The following CFAP221 variants were observed in gnomAD, a reference collection of about 807,000 sequenced individuals.
CFAP221 encodes cilia- and flagella-associated protein 221.
CFAP221 carries 97 observed loss-of-function variants against 113.1 expected under a neutral mutation model. The ratio of observed to expected loss-of-function variants is 0.86; its 90% confidence interval spans 0.73 to 1.02. The LOEUF (loss-of-function observed/expected upper bound fraction) is 1.02, where lower values mean the gene tolerates loss of function less well. CFAP221 is among the 50% of genes least tolerant of loss of function. CFAP221 has a pLI of 0.00. For missense variants in CFAP221, 1,025 were observed against 1,013.4 expected, an observed-to-expected ratio of 1.01 and a Z score of -0.16; for synonymous variants, 331 against 354.4, an observed-to-expected ratio of 0.93 and a Z score of 0.74.
At position 119,617,384 on chromosome 2, in the gene CFAP221, G is replaced by A. The variant is rs77744979; in HGVS notation, c.1410+1675G>A. 3.9e-5 allele frequency among the ~76,000 whole-genome samples: 6 copies of A among 152,330 alleles called. No individual in the cohort carries two copies. The East Asian group carries it at 7.7e-4, about 20-fold the overall frequency. The stretch of plus-strand genomic sequence containing the variant: ...CACCATGACATGCTCAGGGCAGGGA[G>A]CACAGTGGTAAGAAGAGGCAGCACA... On this transcript the variant is annotated intron_variant, in intron 14 of 23. Coordinates refer to ENST00000413369, the MANE Select transcript of CFAP221 (RefSeq NM_001271049.2).
intron 3 of CFAP221, among the ~76,000 whole-genome samples, chr2:119,551,551 A>C (rs193155256): frequency 2.0e-5 from 3 of 152,302 alleles, no homozygotes; most frequent in African/African-American, 7.2e-5. Context: ...CCTCTTGCTG[A>C]AAATCAATTT....
rs1435963174 is a variant in CFAP221, at chr2:119,630,890, CT to C, written c.1964del (p.Leu655ArgfsTer13). On this transcript the variant is annotated frameshift_variant, in exon 19 of 24. Coordinates refer to ENST00000413369, the MANE Select transcript of CFAP221 (RefSeq NM_001271049.2). LOFTEE classifies it high-confidence loss of function. ...AGCCATGTCTCTAGATTATGATCCTCTGTATGTTTTTGTAAGTGACAACTGG... is the reference window on the plus strand; with the variant it reads ...AGCCATGTCTCTAGATTATGATCCTCGTATGTTTTTGTAAGTGACAACTGG... ...ALAMSLDYDP[L>X]YVFNPNPGLF... The C allele has an allele frequency of 2.5e-6, 4 of 1,613,056 alleles. No individual in the cohort carries two copies. Among genetic ancestry groups the C allele is most frequent in the Non-Finnish European group, 3.4e-6 (4 of 1,179,166 alleles).
At position 119,656,521 on chromosome 2, in the gene CFAP221, G is replaced by T. The variant is rs375354552; in HGVS notation, c.*51G>T. The T allele has an allele frequency of 1.5e-6, 2 of 1,319,062 alleles. No individual in the cohort carries two copies. Among genetic ancestry groups the T allele is most frequent in the South Asian group, 1.2e-5 (1 of 82,290 alleles). 81.7% of individuals were successfully genotyped at this position (1,319,062 alleles called of 1,614,324 possible). On this transcript the variant is annotated 3_prime_UTR_variant, in exon 24 of 24. Transcript: ENST00000413369. ...CATTTGCTTTCCGTGGGCCACTGTG[G>T]CCCCTTGCGTCCATTTACATGCCAG...
chr2:119,630,128 T>C (rs1461489956), intron 17 of CFAP221, among the ~76,000 whole-genome samples, 173 bp downstream of exon 17: 1 of 152,250 alleles, frequency 6.6e-6, no homozygotes, highest in Non-Finnish European at 1.5e-5. Context: ...TTTCTCATAG[T>C]GTGGCTTAGG....
Position 119,559,917 on chromosome 2 carries a change from C to T in CFAP221, c.328-11C>T, listed in dbSNP as rs1180976820. The T allele has an allele frequency of 6.5e-7, 1 of 1,533,312 alleles. No homozygotes were observed. Among genetic ancestry groups the T allele is most frequent in the Non-Finnish European group, 8.7e-7 (1 of 1,144,370 alleles). The allele number at this position is 1,533,312 out of a possible 1,614,324, so 95.0% of individuals were successfully genotyped here. A position where few individuals can be genotyped will look rare whatever the true frequency, so the allele number is the denominator to read the frequency against. ...GGGGCTTGTCCCAACAAGATGCCAC[C>T]TGTCTTCCAGGAACACCACCTGGTC... is the stretch of plus-strand genomic sequence containing the variant. On this transcript the variant is annotated splice_polypyrimidine_tract_variant and intron_variant, in intron 4 of 23. Coordinates refer to ENST00000413369, the MANE Select transcript of CFAP221 (RefSeq NM_001271049.2).
intron 16 of CFAP221, among the ~76,000 whole-genome samples, chr2:119,629,317 G>A (rs1423113671): frequency 6.6e-6 from 1 of 152,212 alleles, no homozygotes; most frequent in Non-Finnish European, 1.5e-5. Context: ...GTGGAAGGCA[G>A]ATAGAGGGGA....
intron 3 of CFAP221, among the ~76,000 whole-genome samples, chr2:119,552,911 ACT>A (rs1191692713): frequency 1.3e-5 from 2 of 152,110 alleles, no homozygotes; most frequent in African/African-American, 4.8e-5. Flanking sequence ...ACGAAGTTGT[ACT>A]CTCTGGTTGA....
chr2:119,586,293 T>A (rs974310941), intron 6 of CFAP221, among the ~76,000 whole-genome samples: 1 of 152,114 alleles, frequency 6.6e-6, no homozygotes, highest in African/African-American at 2.4e-5. Context: ...CCCCCAGCAC[T>A]GCACAGGATG....
intron 7 of CFAP221, among the ~76,000 whole-genome samples, chr2:119,599,914 T>C (rs911615847): frequency 3.0e-4 from 45 of 151,932 alleles, no homozygotes; most frequent in Non-Finnish European, 7.4e-5. Flanking sequence ...AATAAGCACA[T>C]GAATGGGTGA....
intron 6 of CFAP221, among the ~76,000 whole-genome samples, chr2:119,574,726 A>G (rs964489934): frequency 6.6e-6 from 1 of 152,150 alleles, no homozygotes; most frequent in Non-Finnish European, 1.5e-5. Flanking sequence ...ACACTCACAT[A>G]CATGCACTTT....
At position 119,656,398 on chromosome 2, in the gene CFAP221, C is replaced by G. The variant is rs527630789; in HGVS notation, c.2451C>G (p.Ala817=). 5.6e-6 allele frequency: 9 copies of G among 1,613,910 alleles called. No individual in the cohort carries two copies. The highest frequency in any genetic ancestry group is 7.6e-6 in the Non-Finnish European group (9 of 1,179,956). Residue 817 remains alanine (A), a synonymous_variant, in exon 24 of 24, where the codon GCC becomes GCG. Transcript: ENST00000413369. ...ATCAAGCACAACCAGCAGAGAAGGC[C>G]GGAGAGAAGCTGCTCGAGGAGATGA... ...VKDQAQPAEK[A]GEKLLEEMRN...
At chr2:119,607,215 A>G (rs1173290693) in intron 11 of CFAP221, among the ~76,000 whole-genome samples, 2 of 152,076 alleles carry the variant, frequency 1.3e-5, no homozygotes, top group African/African-American at 2.4e-5. Flanking sequence ...CTGGTCTCGA[A>G]CTCCTGACCT....
chr2:119,572,755 T>TCTGGTAAAATGATGC, intron 6 of CFAP221: 1 of 551,170 alleles, frequency 1.8e-6, no homozygotes, highest in Non-Finnish European at 3.3e-6. Flanking sequence ...TGGCTGAAGA[T>TCTGGTAAAATGATGC]CTGGTAAAAT....
chr2:119,625,119 C>CA (rs1489105272), intron 14 of CFAP221, among the ~76,000 whole-genome samples: 4 of 152,124 alleles, frequency 2.6e-5, no homozygotes, highest in Non-Finnish European at 5.9e-5. Context: ...AGGTAGCACT[C>CA]ACCTGCAGTA....
intron 6 of CFAP221, among the ~76,000 whole-genome samples, chr2:119,565,692 G>C (rs1681571945): frequency 1.3e-5 from 2 of 152,312 alleles, no homozygotes; most frequent in Admixed American, 6.5e-5. Flanking sequence ...GCATGCTACT[G>C]TTTTCCTCCA....
Position 119,615,705 on chromosome 2 carries a change from G to T in CFAP221, c.1406G>T (p.Arg469Leu), listed in dbSNP as rs368923748. The T allele has an allele frequency of 3.9e-5, 62 of 1,606,432 alleles. No individual in the cohort carries two copies. Among genetic ancestry groups the T allele is most frequent in the African/African-American group, 9.4e-5 (7 of 74,738 alleles). ...RAQKRFQQVA[R>L]KVMIQGRLFN... is the part of the protein sequence containing the mutation. ...CAAAAACGGTTTCAACAAGTAGCAC[G>T]CAAGGTAAGTCTCAGCACCAGCTGG... Residue 469 changes from arginine to leucine, a missense_variant, in exon 14 of 24, where the codon CGC (arginine) becomes CTC (leucine). By Grantham distance (102) the Arg-to-Leu change is moderately radical. Transcript: ENST00000413369.
At chr2:119,573,436 T>C (rs1682209783) in intron 6 of CFAP221, 1 of 152,240 alleles carries the variant, frequency 6.6e-6, no homozygotes, top group Non-Finnish European at 1.5e-5. Context: ...CTGACCAGGG[T>C]GACGTGAGCT....
At chr2:119,585,409 G>A (rs1037694450) in intron 6 of CFAP221, among the ~76,000 whole-genome samples, 5 of 152,118 alleles carry the variant, frequency 3.3e-5, no homozygotes, top group South Asian at 2.1e-4. Context: ...AATTTTCTCC[G>A]AAATAAAGGT....
chr2:119,581,736 A>G (rs1024059333), intron 6 of CFAP221, among the ~76,000 whole-genome samples: 9 of 152,172 alleles, frequency 5.9e-5, no homozygotes, highest in African/African-American at 2.2e-4. Flanking sequence ...CTAGCAGGAT[A>G]AAGATAAATT....
Sources: gnomAD v4.1 joint callset for allele counts (sites outside exome capture counted in the v4.1 genomes callset) on GRCh38, gnomAD v4.1.1 for gene constraint, MANE v1.5 for transcripts, NCBI Gene and HGNC (gene_info 2026-07-23, HGNC 2026-07-21) for gene names.